The following CCDC30 variants were observed in gnomAD, a reference collection of about 807,000 sequenced individuals.
CCDC30 encodes coiled-coil domain containing 30, also known as coiled-coil domain-containing protein 30.
CCDC30 carries 70 observed loss-of-function variants against 100.2 expected under a neutral mutation model. The observed-to-expected ratio is 0.70, with a 90% confidence interval of 0.58 to 0.85. The LOEUF (loss-of-function observed/expected upper bound fraction) is 0.85, where lower values mean the gene tolerates loss of function less well. Ranked by LOEUF, CCDC30 falls within the 40% of genes least tolerant of loss-of-function variation. CCDC30 has a pLI of 0.00. For missense variants in CCDC30, 652 were observed against 771.2 expected (o/e 0.85, Z 1.83); for synonymous variants, 233 against 269.5 (o/e 0.86, Z 1.33).
At chr1:42,516,598 A>G (rs1453113707) in intron 6 of CCDC30, among the ~76,000 whole-genome samples, 1 of 144,870 alleles carries the variant, frequency 6.9e-6, no homozygotes, top group East Asian at 2.0e-4. Flanking sequence ...AAAGAATCTG[A>G]CTTCCTTGGT....
At chr1:42,462,085 G>A (rs957304559), upstream of CCDC30, among the ~76,000 whole-genome samples, 1 of 152,122 alleles carries the variant, frequency 6.6e-6, no homozygotes, top group African/African-American at 2.4e-5. Context: ...TACCTCCCTT[G>A]GGAATTTTAT....
intron 7 of CCDC30, among the ~76,000 whole-genome samples, chr1:42,569,369 T>C (rs1156749764): frequency 6.6e-6 from 1 of 151,962 alleles, no homozygotes; most frequent in Non-Finnish European, 1.5e-5. Flanking sequence ...AGCAAACATA[T>C]GAAAAAAAGC....
chr1:42,551,842 C>T lies in CCDC30; in HGVS notation c.457-14454C>T, dbSNP rs114105006. 3.8e-3 allele frequency among the ~76,000 whole-genome samples: 575 copies of T among 151,718 alleles called. 8 individuals are homozygous for T. Among genetic ancestry groups the T allele is most frequent in the African/African-American group, 0.013 (555 of 41,324 alleles). On this transcript the variant is annotated intron_variant, in intron 6 of 16. Transcript: ENST00000668663. ...CCATCACAGCTCACTACAACATCGACCTTCTGGGCTCAAGTGATCCTCCCA... is the reference window on the plus strand; with the variant it reads ...CCATCACAGCTCACTACAACATCGATCTTCTGGGCTCAAGTGATCCTCCCA...
chr1:42,538,111 A>G (rs12043692), intron 6 of CCDC30: 55,545 of 145,980 alleles, frequency 0.38, 11,121 homozygotes, highest in East Asian at 0.59. Context: ...CTAGGAGCTC[A>G]AGACCAGCCT....
chr1:42,506,201 T>C (rs1569847935), intron 6 of CCDC30, among the ~76,000 whole-genome samples: 2 of 152,312 alleles, frequency 1.3e-5, no homozygotes, highest in African/African-American at 4.8e-5. Flanking sequence ...AAGCAAAAAG[T>C]TAAAAAAGAT....
rs1356371654 is a variant in CCDC30, at chr1:42,646,050, A to AT, written c.1672-84dup. On this transcript the variant is annotated intron_variant, in intron 14 of 16. Transcript: ENST00000668663. ...TCAGAACTATAGCACATCAAACTCA[A>AT]TATTCCGTATGTGTCAAAGGTACTA... 1.2e-5 allele frequency: 18 copies of AT among 1,476,184 alleles called. No individual in the cohort carries two copies. The African/African-American group carries it at 2.1e-4, about 17-fold the overall frequency. The allele number at this position is 1,476,184 out of a possible 1,614,324, so 91.4% of individuals were successfully genotyped here.
rs59732163 is a variant in CCDC30 at position 42,466,557 on chromosome 1, G to GT, written c.-92+2671dup. ...TTTTTTGTTGTTGTTGTTTTGTTTT[G>GT]TTTTTTTTTTTTGAGATGGAGCCTT... is the stretch of plus-strand genomic sequence containing the variant. On this transcript the variant is annotated intron_variant, in intron 1 of 16. Transcript: ENST00000668663. Among the ~76,000 whole-genome samples the GT allele has an allele frequency of 4.5e-3, 659 of 145,208 alleles. 4 individuals carry two copies. The highest frequency in any genetic ancestry group is 0.012 in the African/African-American group (467 of 39,614).
chr1:42,477,998 A>T (rs1643902545), intron 1 of CCDC30, among the ~76,000 whole-genome samples: 1 of 152,224 alleles, frequency 6.6e-6, no homozygotes, highest in South Asian at 2.1e-4. Flanking sequence ...ATTTTCAGGA[A>T]CCACGTCATG....
chr1:42,558,685 G>A (rs1645423347), intron 6 of CCDC30, among the ~76,000 whole-genome samples: 1 of 152,168 alleles, frequency 6.6e-6, no homozygotes, highest in African/African-American at 2.4e-5. Flanking sequence ...AGTACCAGAA[G>A]GAGACGGGGA....
At chr1:42,524,871 G>A (rs1644701217) in intron 6 of CCDC30, among the ~76,000 whole-genome samples, 1 of 152,202 alleles carries the variant, frequency 6.6e-6, no homozygotes, top group South Asian at 2.1e-4. Context: ...TTTAGGTGGA[G>A]AGACAGATTT....
chr1:42,531,685 C>T (rs535332929), intron 6 of CCDC30, among the ~76,000 whole-genome samples: 112 of 152,172 alleles, frequency 7.4e-4, no homozygotes, highest in African/African-American at 2.7e-3. Context: ...TTGCTTGTGC[C>T]GAGAGACAGA....
chr1:42,572,014 T>G (rs139116143), intron 7 of CCDC30, among the ~76,000 whole-genome samples: 23 of 152,344 alleles, frequency 1.5e-4, no homozygotes, highest in African/African-American at 5.1e-4. Context: ...CAATGAACAC[T>G]CATGCACATG....
At chr1:42,602,739 G>A (rs998176571) in intron 10 of CCDC30, among the ~76,000 whole-genome samples, 5 of 152,184 alleles carry the variant, frequency 3.3e-5, no homozygotes, top group Non-Finnish European at 7.3e-5. Flanking sequence ...TCAATTCTCT[G>A]TAGTCTCTTT....
intron 6 of CCDC30, among the ~76,000 whole-genome samples, chr1:42,521,860 A>G (rs1298832009): frequency 6.6e-6 from 1 of 151,902 alleles, no homozygotes; most frequent in Non-Finnish European, 1.5e-5. Context: ...TGATATTAGT[A>G]TAGTGTAGTA....
intron 15 of CCDC30, among the ~76,000 whole-genome samples, chr1:42,650,497 A>ATG (rs57051349): frequency 0.045 from 6,070 of 136,140 alleles, 184 homozygotes; most frequent in East Asian, 0.09. Context: ...AAAAATATAT[A>ATG]TGTGTGTGTG....
At chr1:42,656,709 T>G (rs1648675645), downstream of CCDC30, among the ~76,000 whole-genome samples, 1 of 152,178 alleles carries the variant, frequency 6.6e-6, no homozygotes, top group Non-Finnish European at 1.5e-5. Context: ...GTCAAGTTAC[T>G]CAACCTCCTT....
At chr1:42,630,702 T>C (rs1647022173) in intron 11 of CCDC30, among the ~76,000 whole-genome samples, 1 of 152,118 alleles carries the variant, frequency 6.6e-6, no homozygotes. Context: ...TCAAATAGTC[T>C]ATCTTCAAGT....
chr1:42,476,198 A>ATGGGAATTTCATCTCCTGCTTT (rs144982400), intron 1 of CCDC30, among the ~76,000 whole-genome samples: 19,515 of 151,988 alleles, frequency 0.13, 1,435 homozygotes, highest in East Asian at 0.18. Flanking sequence ...ATCTTTGAAC[A>ATGGGAATTTCATCTCCTGCTTT]TGGGAATTTC....
chr1:42,597,061 G>A (rs6660322), intron 10 of CCDC30, among the ~76,000 whole-genome samples: 30,211 of 152,006 alleles, frequency 0.2, 3,325 homozygotes, highest in South Asian at 0.42. Context: ...TGAGGAAAGA[G>A]CTCTGTCCTT....
Sources: allele counts gnomAD v4.1 joint callset (sites outside exome capture counted in the v4.1 genomes callset), GRCh38; gene constraint gnomAD v4.1.1; transcripts MANE v1.5; gene names NCBI Gene and HGNC (gene_info 2026-07-23, HGNC 2026-07-21).